Variants in STK32B observed in about 807,000 individuals in gnomAD.
STK32B encodes serine/threonine kinase 32B.
Under a neutral mutation model 52.6 loss-of-function variants are expected in STK32B, and 43 were observed. The observed-to-expected ratio is 0.82, with a 90% CI of 0.64 to 1.05. The LOEUF (loss-of-function observed/expected upper bound fraction) is 1.05, where lower values mean the gene tolerates loss of function less well. Ranked by LOEUF, STK32B falls within the 50% of genes least tolerant of loss-of-function variation. STK32B has a pLI of 0.00. For missense variants in STK32B, 621 were observed against 534.6 expected, an observed-to-expected ratio of 1.16 and a Z score of -1.59; for synonymous variants, 238 against 204.3, an observed-to-expected ratio of 1.17 and a Z score of -1.41.
At chr4:5,022,711 A>T in the STK32B span, among the ~76,000 whole-genome samples, 98 of 152,268 alleles carry the variant, frequency 6.4e-4, no homozygotes, top group Non-Finnish European at 9.1e-4. Context: ...TCTGAGGTAG[A>T]TATCGGCCAT....
rs1055015394 is a variant in STK32B, at chr4:5,265,011, C to G, written c.261-66209C>G. On this transcript the variant is annotated intron_variant, in intron 3 of 11. Transcript: ENST00000282908. ...CTATCCCCTAAGAATTATTACCTAC[C>G]TCATATCACAAAGGTAGTCTTCTGT... Among the ~76,000 whole-genome samples, 3 of 152,178 alleles carry G rather than the reference C, an allele frequency of 2.0e-5. No individual in the cohort carries two copies. The South Asian group carries it at 6.2e-4, about 32-fold the overall frequency.
chr4:5,429,290 T>C (rs976528809), intron 6 of STK32B, among the ~76,000 whole-genome samples: 1 of 152,190 alleles, frequency 6.6e-6, no homozygotes, highest in African/African-American at 2.4e-5. Context: ...ATATTTAATA[T>C]AATTATTGAG....
intron 3 of STK32B, among the ~76,000 whole-genome samples, chr4:5,279,251 G>T (rs1400420080): frequency 1.3e-5 from 2 of 152,170 alleles, no homozygotes; most frequent in Non-Finnish European, 2.9e-5. Context: ...ATACAGTGGG[G>T]GTACAGGCAT....
intron 1 of STK32B, among the ~76,000 whole-genome samples, chr4:5,109,066 C>T (rs1714256226): frequency 6.6e-6 from 1 of 152,206 alleles, no homozygotes; most frequent in Non-Finnish European, 1.5e-5. Flanking sequence ...GTCTCCCCAG[C>T]TTCCTTGTCC....
At chr4:5,425,935 C>T (rs1187086703) in intron 6 of STK32B, among the ~76,000 whole-genome samples, 1 of 152,168 alleles carries the variant, frequency 6.6e-6, no homozygotes, top group Non-Finnish European at 1.5e-5. Flanking sequence ...GAGATTTACT[C>T]ATGACGTGTG....
chr4:5,218,156 G>A (rs11725344), intron 3 of STK32B, among the ~76,000 whole-genome samples: 81,476 of 151,964 alleles, frequency 0.54, 24,542 homozygotes, highest in East Asian at 0.76. Context: ...TCTGCTGCAT[G>A]CCACTGGTAA....
chr4:5,121,872 T>G (rs1429885356), intron 1 of STK32B, among the ~76,000 whole-genome samples: 1 of 152,114 alleles, frequency 6.6e-6, no homozygotes. Flanking sequence ...TGGGCACCAC[T>G]TGGCTGCCAG....
chr4:5,384,292 C>G (rs1038092167), intron 4 of STK32B, among the ~76,000 whole-genome samples: 2 of 152,102 alleles, frequency 1.3e-5, no homozygotes, highest in African/African-American at 4.8e-5. Context: ...AGGGAAGATG[C>G]AGGAACTCTG....
At chr4:5,194,037 A>G (rs1432844604) in intron 3 of STK32B, among the ~76,000 whole-genome samples, 2 of 152,168 alleles carry the variant, frequency 1.3e-5, no homozygotes, top group Non-Finnish European at 2.9e-5. Flanking sequence ...CAGTTTGTTC[A>G]TTTCAGGGAG....
chr4:5,168,490 G>T (rs778962634), intron 3 of STK32B, 40 bp downstream of exon 3: 12 of 1,570,530 alleles, frequency 7.6e-6, no homozygotes, highest in Admixed American at 5.5e-5. Flanking sequence ...GGGTTCCCCT[G>T]TGGGGAGCCA....
intron 5 of STK32B, among the ~76,000 whole-genome samples, chr4:5,405,225 G>A (rs886445977): frequency 1.3e-5 from 2 of 151,928 alleles, no homozygotes; most frequent in African/African-American, 2.4e-5. Context: ...ATTCACCACC[G>A]AGATCCCCAA....
Position 5,359,378 on chromosome 4 carries a change from ACCCTCCCTCCCT to A in STK32B, c.434+28008_434+28019del, listed in dbSNP as rs200711622. 7.5e-4 allele frequency among the ~76,000 whole-genome samples: 92 copies of A among 123,158 alleles called. 1 individual carries two copies. The South Asian group carries it at 0.012, about 16-fold the overall frequency. 80.8% of individuals were successfully genotyped at this position (123,158 alleles called of 152,430 possible). A position where few individuals can be genotyped will look rare whatever the true frequency, so the allele number is the denominator to read the frequency against. On this transcript the variant is annotated intron_variant, in intron 4 of 11. Transcript: ENST00000282908. ...ATCCACTCATCCAACCACTCATCCAACCCTCCCTCCCTCCCTCCCTCCCTCCCTCCCTCCATC... is the reference window on the plus strand; with the variant it reads ...ATCCACTCATCCAACCACTCATCCAACCCTCCCTCCCTCCCTCCCTCCATC...
At chr4:5,174,262 C>A (rs147339788) in intron 3 of STK32B, among the ~76,000 whole-genome samples, 2 of 152,110 alleles carry the variant, frequency 1.3e-5, no homozygotes, top group East Asian at 3.9e-4. Flanking sequence ...TCCAGTTTGC[C>A]AGTTTGTGTT....
intron 9 of STK32B, among the ~76,000 whole-genome samples, chr4:5,461,265 T>C (rs1255102157): frequency 1.3e-5 from 2 of 152,154 alleles, no homozygotes; most frequent in Non-Finnish European, 2.9e-5. Context: ...ATTTGCTCTT[T>C]GTTGTTGCCT....
intron 3 of STK32B, among the ~76,000 whole-genome samples, chr4:5,323,045 C>T (rs1461058452): frequency 2.0e-5 from 3 of 152,150 alleles, no homozygotes; most frequent in East Asian, 1.9e-4. Flanking sequence ...ATAATGCCCA[C>T]GTCCCACGGT....
intron 3 of STK32B, among the ~76,000 whole-genome samples, chr4:5,293,707 G>C (rs535869197): frequency 7.2e-5 from 11 of 152,064 alleles, no homozygotes; most frequent in Non-Finnish European, 1.3e-4. Flanking sequence ...CAGATGGATA[G>C]ATTGCAAAAA....
intron 11 of STK32B, among the ~76,000 whole-genome samples, chr4:5,473,847 G>C (rs762760624): frequency 6.6e-6 from 1 of 152,176 alleles, no homozygotes; most frequent in Non-Finnish European, 1.5e-5. Context: ...GGACACGGTG[G>C]TTCACACCTG....
At chr4:5,143,839 C>T (rs1301186165) in intron 2 of STK32B, among the ~76,000 whole-genome samples, 3 of 103,584 alleles carry the variant, frequency 2.9e-5, no homozygotes, top group African/African-American at 5.6e-5. Flanking sequence ...CTTCTTCCTC[C>T]ATTAGCACCC....
At chr4:5,214,884 A>G (rs893201919) in intron 3 of STK32B, among the ~76,000 whole-genome samples, 14 of 152,246 alleles carry the variant, frequency 9.2e-5, no homozygotes, top group Non-Finnish European at 1.9e-4. Context: ...AGGAAGCAAG[A>G]GAGCATTTTT....
Sources: gnomAD v4.1 joint callset for allele counts (sites outside exome capture counted in the v4.1 genomes callset) on GRCh38, gnomAD v4.1.1 for gene constraint, MANE v1.5 for transcripts, NCBI Gene and HGNC (gene_info 2026-07-23, HGNC 2026-07-21) for gene names.